The following LRCH1 variants were observed in gnomAD, a reference collection of about 807,000 sequenced individuals.
LRCH1 encodes the protein leucine rich repeats and calponin homology domain containing 1, also known as leucine-rich repeat and calponin homology domain-containing protein 1.
In LRCH1, 23 loss-of-function variants were observed where a neutral mutation model predicts 94.9. That is an observed-to-expected ratio of 0.24 (90% CI 0.17 to 0.34). LRCH1 has a LOEUF of 0.34. Ranked by LOEUF, LRCH1 falls within the 10% of genes least tolerant of loss-of-function variation. The probability of loss-of-function intolerance (pLI) is 1.00; values close to 1 mark genes in which losing one functional copy is unlikely to be tolerated. For missense variants in LRCH1, 790 were observed against 945.9 expected (o/e 0.84, Z 2.16); for synonymous variants, 364 against 354.9 (o/e 1.03, Z -0.29).
intron 2 of LRCH1, among the ~76,000 whole-genome samples, chr13:46,666,880 A>G (rs952398794): frequency 2.6e-5 from 4 of 152,126 alleles, no homozygotes; most frequent in African/African-American, 9.7e-5. Flanking sequence ...CTGGTGAGAG[A>G]GAGCCTTGGG....
At chr13:46,649,700 G>A (rs1773124) in intron 1 of LRCH1, among the ~76,000 whole-genome samples, 116,456 of 151,846 alleles carry the variant, frequency 0.77, 44,846 homozygotes, top group East Asian at 0.91. Flanking sequence ...ATGGTGGTGC[G>A]TGCCTGTAGA....
rs2138256135 is a variant in LRCH1, at chr13:46,744,273, TCTC to T, written c.*2432_*2434del. On this transcript the variant is annotated 3_prime_UTR_variant, in exon 20 of 20. Coordinates refer to ENST00000389797, the MANE Select transcript of LRCH1 (RefSeq NM_001164211.2). ...TGAGTGGTTTATTGTGCTGACCAAA[TCTC>T]CTCCTCACAAGAAAGACCGTTTTTT... is the stretch of plus-strand genomic sequence containing the variant. The T allele has an allele frequency of 7.1e-6, 7 of 983,472 alleles. No individual in the cohort carries two copies. The highest frequency in any genetic ancestry group is 8.4e-6 in the Non-Finnish European group (7 of 829,890). The allele number at this position is 983,472 out of a possible 1,614,324, so 60.9% of individuals were successfully genotyped here.
chr13:46,594,743 G>C (rs1323812894), intron 1 of LRCH1, among the ~76,000 whole-genome samples: 1 of 152,086 alleles, frequency 6.6e-6, no homozygotes, highest in Non-Finnish European at 1.5e-5. Context: ...AAATATCCTG[G>C]CTGCAAAATA....
chr13:46,704,873 G>A (rs1871668181), intron 11 of LRCH1, among the ~76,000 whole-genome samples, 195 bp from the exon 12 acceptor site: 1 of 151,996 alleles, frequency 6.6e-6, no homozygotes, highest in Non-Finnish European at 1.5e-5. Flanking sequence ...ATAGCAGATG[G>A]AATATTATAT....
intron 1 of LRCH1, among the ~76,000 whole-genome samples, chr13:46,576,999 G>A (rs748451844): frequency 3.3e-5 from 5 of 152,092 alleles, no homozygotes; most frequent in African/African-American, 4.8e-5. Flanking sequence ...GGCAGGATTC[G>A]GTCCCTTGTG....
At chr13:46,741,556 ATG>A (rs1873653299) in intron 19 of LRCH1, 84 bp from the exon 20 acceptor site, 1 of 1,560,790 alleles carries the variant, frequency 6.4e-7, no homozygotes, top group Non-Finnish European at 8.8e-7. Context: ...GTAACCAAAA[ATG>A]TGTGCTTCTT....
intron 1 of LRCH1, among the ~76,000 whole-genome samples, chr13:46,583,993 A>C (rs2050402576): frequency 7.1e-6 from 1 of 140,126 alleles, no homozygotes; most frequent in African/African-American, 2.5e-5. Context: ...TACTTTTCAC[A>C]CGTTTTTCCT....
intron 1 of LRCH1, among the ~76,000 whole-genome samples, chr13:46,562,266 G>A (rs2050137395): frequency 1.3e-5 from 2 of 152,016 alleles, no homozygotes; most frequent in African/African-American, 2.4e-5. Flanking sequence ...GTCTGCTAGG[G>A]GCACCATGAC....
Position 46,711,800 on chromosome 13 carries a change from G to A in LRCH1, c.1537G>A (p.Asp513Asn). Residue 513 changes from aspartate (D) to asparagine (N), a missense_variant, in exon 14 of 20, where the codon GAT becomes AAT. Coordinates refer to ENST00000389797, the MANE Select transcript of LRCH1 (RefSeq NM_001164211.2). ...ETSPVCEVQS[D>N]LTLQSNGSQY... is the part of the protein sequence containing the mutation. ...GTTCTTCTTTTTTAAGGTGCAAAGT[G>A]ATCTAACATTACAGAGTAACGGGAG... The A allele has an allele frequency of 6.2e-7, 1 of 1,612,946 alleles. No homozygotes were observed. Among genetic ancestry groups the A allele is most frequent in the South Asian group, 1.1e-5 (1 of 90,946 alleles).
chr13:46,618,689 G>A (rs989712957), intron 1 of LRCH1, among the ~76,000 whole-genome samples: 3 of 152,214 alleles, frequency 2.0e-5, no homozygotes, highest in African/African-American at 4.8e-5. Context: ...TAAGGCCTAA[G>A]TTAAAGATAA....
chr13:46,575,510 ATGTGTGTGTGTG>A (rs59582784), intron 1 of LRCH1, among the ~76,000 whole-genome samples: 11 of 143,272 alleles, frequency 7.7e-5, no homozygotes, highest in African/African-American at 1.3e-4. Context: ...CTGTGCATGA[ATGTGTGTGTGTG>A]TGTGTGTGTG....
At chr13:46,596,714 A>G (rs944288834) in intron 1 of LRCH1, among the ~76,000 whole-genome samples, 1 of 152,194 alleles carries the variant, frequency 6.6e-6, no homozygotes, top group East Asian at 1.9e-4. Context: ...AAATCCCGTC[A>G]TGGGTAGAGG....
chr13:46,558,077 G>A (rs2050086422), intron 1 of LRCH1, among the ~76,000 whole-genome samples: 1 of 152,002 alleles, frequency 6.6e-6, no homozygotes, highest in South Asian at 2.1e-4. Context: ...AAGACTATGT[G>A]GGAAACAAAG....
At chr13:46,738,165 AGT>A (rs1457732696) in intron 19 of LRCH1, among the ~76,000 whole-genome samples, 2 of 152,244 alleles carry the variant, frequency 1.3e-5, no homozygotes, top group Non-Finnish European at 2.9e-5. Flanking sequence ...CTCAGCTGAC[AGT>A]GGTAGCCTCC....
At chr13:46,560,670 A>G (rs2050120698) in intron 1 of LRCH1, among the ~76,000 whole-genome samples, 2 of 152,182 alleles carry the variant, frequency 1.3e-5, no homozygotes, top group African/African-American at 4.8e-5. Flanking sequence ...GTTGCATGAA[A>G]GATTTTTGTT....
At chr13:46,659,640 G>T (rs565631957) in intron 2 of LRCH1, among the ~76,000 whole-genome samples, 20 of 152,216 alleles carry the variant, frequency 1.3e-4, no homozygotes, top group Non-Finnish European at 2.6e-4. Context: ...TTTCCTTTCA[G>T]ATTGTGTGTC....
At chr13:46,604,742 T>C (rs1321527195) in intron 1 of LRCH1, among the ~76,000 whole-genome samples, 4 of 152,192 alleles carry the variant, frequency 2.6e-5, no homozygotes, top group African/African-American at 9.6e-5. Flanking sequence ...CTAGGTGAGC[T>C]TAGAGCATAA....
intron 1 of LRCH1, among the ~76,000 whole-genome samples, chr13:46,626,799 A>C (rs982534540): frequency 1.3e-5 from 2 of 152,228 alleles, no homozygotes; most frequent in African/African-American, 4.8e-5. Flanking sequence ...TAATCTATCA[A>C]ATATATAGCC....
chr13:46,636,379 A>G (rs1180462702), intron 1 of LRCH1, among the ~76,000 whole-genome samples: 4 of 152,142 alleles, frequency 2.6e-5, no homozygotes, highest in Non-Finnish European at 5.9e-5. Flanking sequence ...GCCCATCTCA[A>G]CCATTCTTAA....
Sources: allele counts gnomAD v4.1 joint callset (sites outside exome capture counted in the v4.1 genomes callset), GRCh38; gene constraint gnomAD v4.1.1; transcripts MANE v1.5; gene names NCBI Gene and HGNC (gene_info 2026-07-23, HGNC 2026-07-21).